The following ARL17B variants were observed in gnomAD, a reference collection of about 807,000 sequenced individuals.
The protein encoded by ARL17B is ARF like GTPase 17B.
intron 4 of ARL17B, among the ~76,000 whole-genome samples, chr17:46,283,231 A>G (rs2049818191): frequency 6.6e-6 from 1 of 152,254 alleles, no homozygotes; most frequent in Admixed American, 6.5e-5. Context: ...TGCTAAAAGT[A>G]TTCTAAGATA....
At chr17:46,275,255 A>G (rs2696537) in exon 5 of ARL17B, 116,292 of 477,500 alleles carry the variant, frequency 0.24, 16,284 homozygotes, top group Non-Finnish European at 0.32. Flanking sequence ...TGTTATGACC[A>G]ATAAAAACAA....
At chr17:46,276,704 A>T (rs2049594700) in intron 4 of ARL17B, among the ~76,000 whole-genome samples, 1 of 152,144 alleles carries the variant, frequency 6.6e-6, no homozygotes, top group Admixed American at 6.5e-5. Context: ...TCTACCTTAA[A>T]TCTGGAAAGC....
intron 3 of ARL17B, among the ~76,000 whole-genome samples, chr17:46,323,709 A>G (rs1184847225): frequency 9.6e-6 from 1 of 103,980 alleles, no homozygotes; most frequent in Non-Finnish European, 2.3e-5. Flanking sequence ...ACTCAGTAGA[A>G]TTTTTTTTGA....
rs1330606994 is a variant in ARL17B at position 46,335,247 on chromosome 17, TA to T, written c.*4252del. On this transcript the variant is annotated 3_prime_UTR_variant, in exon 4 of 4. Transcript: ENST00000450673. Reference sequence around the variant, plus strand: ...ATCCTGTCGCTAAGTAAATAAAGTATAGGGGGGATGCGTGTTGGTTATAAGC... The same window carrying T: ...ATCCTGTCGCTAAGTAAATAAAGTATGGGGGGATGCGTGTTGGTTATAAGC... 1.0e-4 allele frequency among the ~76,000 whole-genome samples: 4 copies of T among 40,062 alleles called. No homozygotes were observed. The highest frequency in any genetic ancestry group is 6.9e-4 in the East Asian group (2 of 2,912). The allele number at this position is 40,062 out of a possible 152,430, so 26.3% of individuals were successfully genotyped here. A position where few individuals can be genotyped will look rare whatever the true frequency, so the allele number is the denominator to read the frequency against.
At position 46,314,775 on chromosome 17, in the gene ARL17B, A is replaced by G. The variant is rs1365796702; in HGVS notation, c.260-15110T>C. 3.7e-5 allele frequency among the ~76,000 whole-genome samples: 3 copies of G among 81,852 alleles called. 1 individual carries two copies. The highest frequency in any genetic ancestry group is 9.4e-5 in the African/African-American group (3 of 32,068). The allele number at this position is 81,852 out of a possible 152,430, so 53.7% of individuals were successfully genotyped here. A position where few individuals can be genotyped will look rare whatever the true frequency, so the allele number is the denominator to read the frequency against. ...TTTTGTCAAGCATTTTTCCATCTACATTCGTAAGAAATACTGGTCTGTAAT... is the reference window on the plus strand; with the variant it reads ...TTTTGTCAAGCATTTTTCCATCTACGTTCGTAAGAAATACTGGTCTGTAAT... On this transcript the variant is annotated intron_variant, in intron 3 of 4. Coordinates refer to the ARL17B transcript ENST00000434041.
intron 3 of ARL17B, among the ~76,000 whole-genome samples, chr17:46,312,748 A>T (rs1345658023): frequency 1.5e-5 from 1 of 67,414 alleles, no homozygotes; most frequent in Non-Finnish European, 2.9e-5. Flanking sequence ...TTAAAGCCCT[A>T]GTTTGAGAAT....
chr17:46,276,530 A>G (rs1459103227), intron 4 of ARL17B, among the ~76,000 whole-genome samples: 1 of 152,226 alleles, frequency 6.6e-6, no homozygotes, highest in Non-Finnish European at 1.5e-5. Context: ...TAAGAAAAGA[A>G]AGAATATGGA....
intron 4 of ARL17B, among the ~76,000 whole-genome samples, chr17:46,283,373 A>C (rs1460548509): frequency 6.6e-6 from 1 of 152,282 alleles, no homozygotes; most frequent in African/African-American, 2.4e-5. Flanking sequence ...GGTTCAAGGA[A>C]AGGCTGGGCC....
intron 4 of ARL17B, among the ~76,000 whole-genome samples, chr17:46,291,723 G>A (rs1184816606): frequency 2.0e-5 from 3 of 152,020 alleles, no homozygotes; most frequent in Non-Finnish European, 4.4e-5. Context: ...CCGGGAGTTT[G>A]AGACCAGCCT....
At chr17:46,280,968 G>A (rs1417625583) in intron 4 of ARL17B, among the ~76,000 whole-genome samples, 1 of 152,176 alleles carries the variant, frequency 6.6e-6, no homozygotes, top group Non-Finnish European at 1.5e-5. Flanking sequence ...TTACTTGACT[G>A]TTTGGCTGCA....
intron 4 of ARL17B, chr17:46,292,789 G>GT (rs2050110244): frequency 1.3e-5 from 1 of 79,024 alleles, no homozygotes; most frequent in Admixed American, 1.3e-4. Context: ...TATCTCCCAC[G>GT]TATCTTGGGT....
At chr17:46,279,409 CCCGACCTCAGGTGAT>C (rs1157918161) in intron 4 of ARL17B, among the ~76,000 whole-genome samples, 11 of 151,780 alleles carry the variant, frequency 7.2e-5, no homozygotes, top group Non-Finnish European at 1.5e-4. Context: ...GTCTTGAACT[CCCGACCTCAGGTGAT>C]CCATCCACCT....
At position 46,286,084 on chromosome 17, in the gene ARL17B, TA is replaced by T. The variant is rs201254561; in HGVS notation, c.*22-10667del. On this transcript the variant is annotated intron_variant, in intron 4 of 4. Coordinates refer to the ARL17B transcript ENST00000570618. ...CAATTCTGACACCGATCATGGCCAA[TA>T]AAAAATCTGCAAGATCCGAAATGGA... is the stretch of plus-strand genomic sequence containing the variant. Among the ~76,000 whole-genome samples, 1,475 of 152,228 alleles carry T rather than the reference TA, an allele frequency of 9.7e-3. 33 individuals carry two copies. Among genetic ancestry groups the T allele is most frequent in the African/African-American group, 0.034 (1,424 of 41,502 alleles).
chr17:46,279,307 C>T (rs2049690533), intron 4 of ARL17B, among the ~76,000 whole-genome samples: 1 of 151,484 alleles, frequency 6.6e-6, no homozygotes, highest in Non-Finnish European at 1.5e-5. Context: ...CCTCAGCCTC[C>T]CAAGTAGCGA....
intron 3 of ARL17B, among the ~76,000 whole-genome samples, chr17:46,323,413 T>C (rs2143943848): frequency 9.7e-6 from 1 of 102,590 alleles, no homozygotes; most frequent in East Asian, 2.5e-4. Context: ...TTTTTTGTTT[T>C]TGAAATGGAA....
At chr17:46,316,642 T>C (rs1384786614) in intron 3 of ARL17B, among the ~76,000 whole-genome samples, 1 of 70,302 alleles carries the variant, frequency 1.4e-5, no homozygotes, top group Non-Finnish European at 4.1e-5. Context: ...TATTGATCAT[T>C]CTTGGGTGTT....
intron 4 of ARL17B, among the ~76,000 whole-genome samples, chr17:46,291,115 T>C (rs2143458889): frequency 6.6e-6 from 1 of 152,374 alleles, no homozygotes; most frequent in East Asian, 1.9e-4. Flanking sequence ...AGCCCTTCTC[T>C]ATTTATAGAG....
In ARL17B at chr17:46,291,987, A is replaced by T. The variant is rs1353380022; in HGVS notation, c.*21+7539T>A. Among the ~76,000 whole-genome samples the T allele has an allele frequency of 2.5e-4, 30 of 121,248 alleles. 1 individual carries two copies. In the East Asian group the frequency reaches 7.6e-3, roughly 31 times the overall value. The allele number at this position is 121,248 out of a possible 152,430, so 79.5% of individuals were successfully genotyped here. ...CAAAAAGCAAAAAAAAAAAAAAAAA[A>T]GCCAATAAAATCAATGGTCTAATCT... On this transcript the variant is annotated intron_variant, in intron 4 of 4. Transcript: ENST00000570618.
intron 4 of ARL17B, among the ~76,000 whole-genome samples, chr17:46,275,896 T>C (rs78480705): frequency 0.12 from 18,478 of 150,002 alleles, no homozygotes; most frequent in Non-Finnish European, 0.18. Flanking sequence ...TATTCACAAT[T>C]TTTTTTTTTT....
Sources: gnomAD v4.1 joint callset for allele counts (sites outside exome capture counted in the v4.1 genomes callset) on GRCh38, gnomAD v4.1.1 for gene constraint, MANE v1.5 for transcripts, NCBI Gene and HGNC (gene_info 2026-07-23, HGNC 2026-07-21) for gene names.